SGCZ: variants seen among roughly 807,000 people sequenced by gnomAD.
SGCZ encodes zeta-sarcoglycan.
In SGCZ, 40 loss-of-function variants were observed where a neutral mutation model predicts 41.3. That is an observed-to-expected ratio of 0.97 (90% CI 0.75 to 1.26). SGCZ has a LOEUF of 1.26. Ranked by LOEUF, SGCZ falls within the 50% of genes most tolerant of loss-of-function variation. The pLI is 0.00. For synonymous variants in SGCZ, 206 were observed against 137.5 expected (o/e 1.50, Z -3.49); for missense variants, 552 against 369.8 (o/e 1.49, Z -4.04).
At chr8:14,251,991 T>A (rs1171503273) in intron 3 of SGCZ, among the ~76,000 whole-genome samples, 1 of 152,152 alleles carries the variant, frequency 6.6e-6, no homozygotes, top group African/African-American at 2.4e-5. Context: ...ATTACAGGCG[T>A]GAGCCACCGT....
At chr8:15,003,355 T>C (rs1417153464) in intron 1 of SGCZ, among the ~76,000 whole-genome samples, 1 of 152,150 alleles carries the variant, frequency 6.6e-6, no homozygotes, top group Non-Finnish European at 1.5e-5. Context: ...GTCTCAAGTA[T>C]ATCTTTATTA....
chr8:14,404,028 GA>G (rs1456068965), intron 2 of SGCZ, among the ~76,000 whole-genome samples: 5 of 152,112 alleles, frequency 3.3e-5, no homozygotes, highest in African/African-American at 1.2e-4. Context: ...GAAGATGGAG[GA>G]GGGGGGCCAA....
chr8:14,091,597 G>C (rs1801691166), intron 7 of SGCZ, among the ~76,000 whole-genome samples: 1 of 152,058 alleles, frequency 6.6e-6, no homozygotes, highest in Non-Finnish European at 1.5e-5. Context: ...ATTTTTTCAT[G>C]TGTCTGTTGG....
chr8:14,165,766 C>G (rs997156088), intron 4 of SGCZ, among the ~76,000 whole-genome samples: 2 of 152,094 alleles, frequency 1.3e-5, no homozygotes, highest in African/African-American at 4.8e-5. Flanking sequence ...ATATATGACA[C>G]CCAGGAGCTC....
At chr8:14,343,232 G>T (rs765888212) in intron 2 of SGCZ, among the ~76,000 whole-genome samples, 21 of 152,220 alleles carry the variant, frequency 1.4e-4, no homozygotes, top group Non-Finnish European at 2.9e-4. Flanking sequence ...AGTCCAGAAG[G>T]GAAATGTGGG....
At chr8:14,224,162 A>G (rs1029919904) in intron 4 of SGCZ, among the ~76,000 whole-genome samples, 7 of 152,214 alleles carry the variant, frequency 4.6e-5, no homozygotes, top group Admixed American at 1.3e-4. Flanking sequence ...TTTATTTTAA[A>G]ATGATACAAT....
intron 1 of SGCZ, among the ~76,000 whole-genome samples, chr8:14,644,225 T>A (rs1477597113): frequency 6.6e-6 from 1 of 151,518 alleles, no homozygotes; most frequent in Non-Finnish European, 1.5e-5. Context: ...AGGTAAACAT[T>A]TAAATCTACA....
chr8:14,194,492 G>C (rs1383571771), intron 4 of SGCZ, among the ~76,000 whole-genome samples: 2 of 151,868 alleles, frequency 1.3e-5, no homozygotes, highest in East Asian at 1.9e-4. Flanking sequence ...TACTTTGCTT[G>C]AGTATTCATT....
intron 3 of SGCZ, among the ~76,000 whole-genome samples, chr8:14,320,394 T>C (rs1280866633): frequency 6.6e-6 from 1 of 151,632 alleles, no homozygotes. Context: ...GAAAGACATT[T>C]GCTGTGCTCG....
At chr8:14,906,014 A>G (rs894423244) in intron 1 of SGCZ, among the ~76,000 whole-genome samples, 1 of 152,106 alleles carries the variant, frequency 6.6e-6, no homozygotes, top group Non-Finnish European at 1.5e-5. Flanking sequence ...TTACAAATAT[A>G]TAAAGTATAT....
chr8:14,624,559 T>TATTTTTA (rs1563161354), intron 1 of SGCZ, among the ~76,000 whole-genome samples: 1 of 94,446 alleles, frequency 1.1e-5, no homozygotes, highest in Admixed American at 1.3e-4. Flanking sequence ...ATTATTATTT[T>TATTTTTA]TTTTTTTTTT....
At chr8:14,844,696 T>C (rs1803042061) in intron 1 of SGCZ, among the ~76,000 whole-genome samples, 1 of 152,172 alleles carries the variant, frequency 6.6e-6, no homozygotes, top group South Asian at 2.1e-4. Context: ...AACCTAAATG[T>C]CTAAAAACAT....
At chr8:14,536,550 T>C (rs939197978) in intron 2 of SGCZ, among the ~76,000 whole-genome samples, 1 of 151,800 alleles carries the variant, frequency 6.6e-6, no homozygotes, top group Non-Finnish European at 1.5e-5. Context: ...AAAAAAAACC[T>C]GAAAGGAATT....
chr8:14,340,048 C>G (rs1802648970), intron 2 of SGCZ, among the ~76,000 whole-genome samples: 1 of 152,098 alleles, frequency 6.6e-6, no homozygotes, highest in South Asian at 2.1e-4. Context: ...TGACGTCAAT[C>G]TTCTACACGT....
chr8:14,921,839 G>C (rs904888196), intron 1 of SGCZ, among the ~76,000 whole-genome samples: 33 of 152,110 alleles, frequency 2.2e-4, no homozygotes, highest in Non-Finnish European at 2.4e-4. Context: ...AAAAGTAAGG[G>C]ATGGTGTGAA....
chr8:14,494,156 AT>A, intron 2 of SGCZ, among the ~76,000 whole-genome samples: 1 of 147,440 alleles, frequency 6.8e-6, no homozygotes, highest in Admixed American at 6.6e-5. Flanking sequence ...AAAGTAATTA[AT>A]CTGATAAACA....
chr8:14,622,763 G>A (rs1176226946), intron 1 of SGCZ, among the ~76,000 whole-genome samples: 1 of 152,164 alleles, frequency 6.6e-6, no homozygotes, highest in Admixed American at 6.6e-5. Context: ...AGAAGACTAA[G>A]GGTGCCAATA....
chr8:14,930,702 T>A (rs996837762), intron 1 of SGCZ, among the ~76,000 whole-genome samples: 1 of 151,984 alleles, frequency 6.6e-6, no homozygotes, highest in African/African-American at 2.4e-5. Flanking sequence ...TGGATGACGC[T>A]GGAAACCATC....
At chr8:14,766,727 ATTTTTTT>A (rs33955290) in intron 1 of SGCZ, among the ~76,000 whole-genome samples, 1 of 92,804 alleles carries the variant, frequency 1.1e-5, no homozygotes, top group African/African-American at 4.5e-5. Context: ...ATGTCCAGCT[ATTTTTTT>A]TTTTTTTTTT....
Sources: allele counts gnomAD v4.1 joint callset (sites outside exome capture counted in the v4.1 genomes callset), GRCh38; gene constraint gnomAD v4.1.1; transcripts MANE v1.5; gene names NCBI Gene and HGNC (gene_info 2026-07-23, HGNC 2026-07-21).